The following POC5 variants were observed in gnomAD, a reference collection of about 807,000 sequenced individuals.
POC5 encodes POC5 centriolar protein, also known as centrosomal protein POC5.
In POC5, 48 loss-of-function variants were observed where a neutral mutation model predicts 62.9. That is an observed-to-expected ratio of 0.76 (90% confidence interval 0.61 to 0.97). The LOEUF (loss-of-function observed/expected upper bound fraction) is 0.97. Among genes scored for constraint, POC5 ranks in the 50% least tolerant of loss-of-function variants. The pLI is 0.00. For synonymous variants in POC5, 236 were observed against 228.2 expected (o/e 1.03, Z -0.31); for missense variants, 696 against 679.5 (o/e 1.02, Z -0.27).
At chr5:75,697,133 A>C (rs1396213190) in intron 5 of POC5, among the ~76,000 whole-genome samples, 2 of 152,246 alleles carry the variant, frequency 1.3e-5, no homozygotes, top group Non-Finnish European at 2.9e-5. Flanking sequence ...AACACTCTGC[A>C]GGATATTAAT....
In POC5 at chr5:75,677,945, C is replaced by A; in HGVS notation, c.1413G>T (p.Val471=). The change falls in exon 11 of 12, where the codon GTG becomes GTT. Residue 471 remains valine, a synonymous_variant. Coordinates refer to ENST00000428202, the MANE Select transcript of POC5 (RefSeq NM_001099271.2). ...GTTGTGCAGAGGTTACAACTCTTGG[C>A]ACATACTAAGAAGAAAAAAAAATAA... ...AATAASEEMY[V]PRVVTSAQQK... is the part of the protein sequence containing the mutation. 2 of 1,549,104 alleles carry A rather than the reference C, an allele frequency of 1.3e-6. No homozygotes were observed. Among genetic ancestry groups the A allele is most frequent in the Admixed American group, 2.0e-5 (1 of 51,006 alleles).
At chr5:75,716,815 G>A (rs1014447563) in intron 1 of POC5, among the ~76,000 whole-genome samples, 1 of 152,182 alleles carries the variant, frequency 6.6e-6, no homozygotes, top group African/African-American at 2.4e-5. Flanking sequence ...AGAGGCAAAG[G>A]AAGAGCGAAT....
chr5:75,676,999 TA>T (rs1322254964), intron 11 of POC5, among the ~76,000 whole-genome samples: 3 of 152,200 alleles, frequency 2.0e-5, no homozygotes, highest in African/African-American at 7.2e-5. Context: ...TAACTTTCAG[TA>T]AGTTAAATTT....
At chr5:75,689,695 T>C (rs935285875) in intron 8 of POC5, 1 of 983,160 alleles carries the variant, frequency 1.0e-6, no homozygotes, top group Admixed American at 6.1e-5. Flanking sequence ...GAAAATTATT[T>C]GTATTATGGA....
intron 11 of POC5, among the ~76,000 whole-genome samples, chr5:75,675,591 C>T (rs1289431454): frequency 6.6e-6 from 1 of 152,136 alleles, no homozygotes; most frequent in Non-Finnish European, 1.5e-5. Flanking sequence ...AAAATAACTT[C>T]TTTTCTTAAA....
intron 10 of POC5, among the ~76,000 whole-genome samples, chr5:75,683,857 C>A (rs1329746069): frequency 1.3e-5 from 2 of 152,096 alleles, no homozygotes; most frequent in Admixed American, 6.6e-5. Flanking sequence ...GTGCACAGCA[C>A]CATGCCTGAC....
chr5:75,714,238 C>A (rs1267928824), intron 1 of POC5, among the ~76,000 whole-genome samples: 1 of 152,002 alleles, frequency 6.6e-6, no homozygotes. Context: ...AACAATTAGC[C>A]GAGCCTGGTG....
At chr5:75,710,360 C>A (rs906394500) in intron 2 of POC5, among the ~76,000 whole-genome samples, 109 of 152,136 alleles carry the variant, frequency 7.2e-4, no homozygotes, top group African/African-American at 2.5e-3. Context: ...TGTTTGTGTC[C>A]CCTCAAAATT....
chr5:75,709,213 C>T (rs183641948), intron 2 of POC5, among the ~76,000 whole-genome samples: 184 of 152,152 alleles, frequency 1.2e-3, no homozygotes, highest in African/African-American at 4.0e-3. Context: ...TTAAGGCTAA[C>T]GACAGAAGAG....
In POC5 at chr5:75,712,677, A is replaced by G; in HGVS notation, c.84+177T>C. 3 of 731,686 alleles carry G rather than the reference A, an allele frequency of 4.1e-6. No individual in the cohort carries two copies. In the South Asian group the frequency reaches 5.2e-5, roughly 13 times the overall value. The allele number at this position is 731,686 out of a possible 1,614,324, so 45.3% of individuals were successfully genotyped here. A position where few individuals can be genotyped will look rare whatever the true frequency, so the allele number is the denominator to read the frequency against. ...TTCATCAATATTTTCTGAAAAGTTA[A>G]AACAATGTAAAGTCACTCCTAAAAT... On this transcript the variant is annotated intron_variant, in intron 2 of 11. Transcript: ENST00000428202.
chr5:75,711,424 A>G (rs560976044), intron 2 of POC5, among the ~76,000 whole-genome samples: 1 of 152,218 alleles, frequency 6.6e-6, no homozygotes, highest in African/African-American at 2.4e-5. Context: ...CCCATCCCTC[A>G]GCATTTACCA....
chr5:75,684,778 T>C (rs1276452152), intron 10 of POC5, among the ~76,000 whole-genome samples: 1 of 152,108 alleles, frequency 6.6e-6, no homozygotes, highest in Non-Finnish European at 1.5e-5. Flanking sequence ...GTGTATTAAA[T>C]ATTTTCAGTG....
intron 7 of POC5, among the ~76,000 whole-genome samples, chr5:75,690,852 C>T (rs1200858044): frequency 6.6e-6 from 1 of 152,102 alleles, no homozygotes; most frequent in African/African-American, 2.4e-5. Flanking sequence ...AAGAATACAA[C>T]CAAATGAAAG....
chr5:75,711,811 TAG>T (rs1323878120), intron 2 of POC5, among the ~76,000 whole-genome samples: 2 of 152,226 alleles, frequency 1.3e-5, no homozygotes, highest in African/African-American at 2.4e-5. Context: ...AATTCCACTC[TAG>T]AGAGTTATTC....
intron 5 of POC5, among the ~76,000 whole-genome samples, chr5:75,701,211 C>T (rs1244697565): frequency 1.4e-5 from 2 of 142,494 alleles, no homozygotes; most frequent in Admixed American, 7.1e-5. Context: ...CCAGCCATCC[C>T]ATTACGGGGT....
Position 75,690,408 on chromosome 5 carries a change from T to C in POC5, c.950A>G (p.Asn317Ser), listed in dbSNP as rs1776277631. Residue 317 changes from asparagine to serine, a missense_variant, in exon 8 of 12, where the codon AAT becomes AGT. Physicochemically the swap from Asn to Ser is conservative, Grantham distance 46 (BLOSUM62 1). Coordinates refer to ENST00000428202, the MANE Select transcript of POC5 (RefSeq NM_001099271.2). ...CATAGCAACTTTGGCTTCATAATCATTGGAAATCTGGATACAAACTTCTTC... is the reference window on the plus strand; with the variant it reads ...CATAGCAACTTTGGCTTCATAATCACTGGAAATCTGGATACAAACTTCTTC... ...RAEEVCIQISNDYEAKVAMLS... is the reference protein window; with the variant it reads ...RAEEVCIQISSDYEAKVAMLS... The C allele has an allele frequency of 2.5e-6, 4 of 1,610,978 alleles. No individual in the cohort carries two copies. The highest frequency in any genetic ancestry group is 2.2e-5 in the East Asian group (1 of 44,864).
At chr5:75,680,848 C>T (rs899579925) in intron 10 of POC5, among the ~76,000 whole-genome samples, 1 of 151,838 alleles carries the variant, frequency 6.6e-6, no homozygotes, top group Non-Finnish European at 1.5e-5. Flanking sequence ...AATCTTTGAC[C>T]CCACATTCAG....
chr5:75,679,370 T>C (rs952377039), intron 10 of POC5, among the ~76,000 whole-genome samples: 1 of 152,182 alleles, frequency 6.6e-6, no homozygotes, highest in African/African-American at 2.4e-5. Flanking sequence ...GTATCAATCT[T>C]TTCCCGATTA....
At chr5:75,713,357 A>G (rs1777426994) in intron 1 of POC5, among the ~76,000 whole-genome samples, 2 of 152,246 alleles carry the variant, frequency 1.3e-5, no homozygotes, top group African/African-American at 4.8e-5. Flanking sequence ...AAGAAAAGTG[A>G]GCTTATACAG....
Sources: gnomAD v4.1 joint callset for allele counts (sites outside exome capture counted in the v4.1 genomes callset) on GRCh38, gnomAD v4.1.1 for gene constraint, MANE v1.5 for transcripts, NCBI Gene and HGNC (gene_info 2026-07-23, HGNC 2026-07-21) for gene names.